The following TMEM98 variants were observed in gnomAD, a reference collection of about 807,000 sequenced individuals.
TMEM98 encodes transmembrane protein 98.
In TMEM98, 18 loss-of-function variants were observed where a neutral mutation model predicts 25.0. The ratio of observed to expected loss-of-function variants is 0.72; its 90% confidence interval spans 0.50 to 1.07. The LOEUF (loss-of-function observed/expected upper bound fraction) is 1.07. Ranked by LOEUF, TMEM98 falls within the 50% of genes least tolerant of loss-of-function variation. The probability of loss-of-function intolerance (pLI) is 0.00; values close to 1 mark genes in which losing one functional copy is unlikely to be tolerated. For missense variants in TMEM98, 241 were observed against 289.0 expected (o/e 0.83, Z 1.20); for synonymous variants, 103 against 112.4 (o/e 0.92, Z 0.53).
At chr17:32,934,202 G>A (rs758162982) in intron 4 of TMEM98, 89 bp from the exon 5 acceptor site, 203 of 1,462,252 alleles carry the variant, frequency 1.4e-4, no homozygotes, top group Non-Finnish European at 1.8e-4. Flanking sequence ...TGTGCCCACC[G>A]GTCAGGGCAA....
chr17:32,940,662 A>C, intron 7 of TMEM98, 124 bp from the exon 8 acceptor site: 1 of 922,020 alleles, frequency 1.1e-6, no homozygotes, highest in Non-Finnish European at 1.7e-6. Flanking sequence ...TTGCATACCT[A>C]CCAACATCCT....
At chr17:32,933,543 G>T (rs929009335) in intron 4 of TMEM98, among the ~76,000 whole-genome samples, 10 of 152,204 alleles carry the variant, frequency 6.6e-5, no homozygotes, top group African/African-American at 2.4e-4. Context: ...GGCAAAGGTT[G>T]TTATAAAGTC....
chr17:32,934,425 G>T lies in TMEM98; in HGVS notation c.297+101G>T, dbSNP rs549818754. Reference sequence around the variant, plus strand: ...ACCTTAGAAAGGGCACTGACCTCTCGCAAGAGGCCTTTCCTTAACTTGACA... The same window carrying T: ...ACCTTAGAAAGGGCACTGACCTCTCTCAAGAGGCCTTTCCTTAACTTGACA... On this transcript the variant is annotated intron_variant, in intron 5 of 7. Transcript: ENST00000579849. 2.5e-5 allele frequency: 33 copies of T among 1,330,686 alleles called. No homozygotes were observed. In the East Asian group the frequency reaches 7.7e-4, roughly 31 times the overall value. 82.4% of individuals were successfully genotyped at this position (1,330,686 alleles called of 1,614,324 possible).
Position 32,931,503 on chromosome 17 carries a change from G to T in TMEM98, c.-26G>T, listed in dbSNP as rs766381970. 1 of 1,601,456 alleles carries T rather than the reference G, an allele frequency of 6.2e-7. No homozygotes were observed. Among genetic ancestry groups the T allele is most frequent in the South Asian group, 1.1e-5 (1 of 88,650 alleles). On this transcript the variant is annotated 5_prime_UTR_variant, in exon 3 of 8. Transcript: ENST00000579849. Reference sequence around the variant, plus strand: ...TAGCCCATGAGGAGGATGTGACCGGGACTGAGTCAGGAGCCCTCTGGAAGC... The same window carrying T: ...TAGCCCATGAGGAGGATGTGACCGGTACTGAGTCAGGAGCCCTCTGGAAGC...
rs1444050179 is a variant in TMEM98, at chr17:32,943,604, T to G, written c.*2611T>G. On this transcript the variant is annotated 3_prime_UTR_variant, in exon 8 of 8. Coordinates refer to ENST00000579849, the MANE Select transcript of TMEM98 (RefSeq NM_015544.3). ...TTCAATGTGAAGAGAACAAGATATT[T>G]GAAGTCAGAATTAGGTTTGAATTTG... 6.6e-6 allele frequency: 1 copy of G among 152,204 alleles called. No homozygotes were observed. The highest frequency in any genetic ancestry group is 6.5e-5 in the Admixed American group (1 of 15,274). 9.4% of individuals were successfully genotyped at this position (152,204 alleles called of 1,614,324 possible).
intron 6 of TMEM98, among the ~76,000 whole-genome samples, chr17:32,936,765 A>G (rs988276668): frequency 2.0e-5 from 3 of 152,132 alleles, no homozygotes; most frequent in Non-Finnish European, 4.4e-5. Flanking sequence ...CCAGCCACAT[A>G]CCAGCTCCCC....
chr17:32,937,020 G>A (rs1002412924), intron 6 of TMEM98, among the ~76,000 whole-genome samples: 7 of 152,256 alleles, frequency 4.6e-5, no homozygotes, highest in African/African-American at 1.7e-4. Context: ...GCAGTCAACA[G>A]CTACACCCCC....
chr17:32,937,026 C>G (rs1218898560), intron 6 of TMEM98, among the ~76,000 whole-genome samples: 1 of 152,262 alleles, frequency 6.6e-6, no homozygotes, highest in African/African-American at 2.4e-5. Context: ...AACAGCTACA[C>G]CCCCTCATTT....
intron 1 of TMEM98, among the ~76,000 whole-genome samples, chr17:32,929,087 A>G (rs886452557): frequency 6.6e-6 from 1 of 151,260 alleles, no homozygotes; most frequent in African/African-American, 2.4e-5. Flanking sequence ...GAGAAACACA[A>G]TCAGCTCACA....
At position 32,933,284 on chromosome 17, in the gene TMEM98, A is replaced by T; in HGVS notation, c.242A>T (p.Glu81Val). Residue 81 changes from glutamate to valine, a missense_variant, in exon 4 of 8, where the codon GAA becomes GTA. Coordinates refer to ENST00000579849, the MANE Select transcript of TMEM98 (RefSeq NM_015544.3). ...CACATTGAGGCCATTCTGGAGAATG[A>T]AGACTGGATCGAAGATGCCTCGTAA... ...NPHIEAILEN[E>V]DWIEDASGLM... The T allele has an allele frequency of 6.2e-7, 1 of 1,614,190 alleles. No individual in the cohort carries two copies. The highest frequency in any genetic ancestry group is 8.5e-7 in the Non-Finnish European group (1 of 1,180,022).
intron 6 of TMEM98, 22 bp from the exon 7 acceptor site, chr17:32,939,455 A>G: frequency 5.6e-6 from 9 of 1,613,092 alleles, no homozygotes; most frequent in Non-Finnish European, 7.6e-6. Flanking sequence ...TGAAGTACTG[A>G]ACACCTTTTG....
At chr17:32,937,587 T>TTTTA (rs953907566) in intron 6 of TMEM98, among the ~76,000 whole-genome samples, 1 of 151,934 alleles carries the variant, frequency 6.6e-6, no homozygotes, top group Admixed American at 6.6e-5. Context: ...TTCCCCATTA[T>TTTTA]TTTATTTATT....
In TMEM98 at chr17:32,931,621, C is replaced by G; in HGVS notation, c.93C>G (p.Tyr31Ter). 1 of 1,604,532 alleles carries G rather than the reference C, an allele frequency of 6.2e-7. No individual in the cohort carries two copies. Among genetic ancestry groups the G allele is most frequent in the Middle Eastern group, 1.7e-4 (1 of 5,992 alleles). The change falls in exon 3 of 8, where the codon TAC becomes TAG. Residue 31 changes from tyrosine (Y) to a stop codon, truncating the protein, a stop_gained. Coordinates refer to ENST00000579849, the MANE Select transcript of TMEM98 (RefSeq NM_015544.3). LOFTEE classifies it high-confidence loss of function. ...AALVLVCRQR[Y>*]CRPRDLLQRY... ...TGGTGCTGGTTTGCAGGCAGCGCTACTGCCGGCCGCGAGACCTGCTGCAGC... is the reference window on the plus strand; with the variant it reads ...TGGTGCTGGTTTGCAGGCAGCGCTAGTGCCGGCCGCGAGACCTGCTGCAGC...
Position 32,940,840 on chromosome 17 carries a change from C to T in TMEM98, c.528C>T (p.Ala176=). The T allele has an allele frequency of 1.9e-6, 3 of 1,614,222 alleles. No individual in the cohort carries two copies. Among genetic ancestry groups the T allele is most frequent in the Non-Finnish European group, 2.5e-6 (3 of 1,180,032 alleles). Residue 176 remains alanine, a synonymous_variant, in exon 8 of 8, where the codon GCC becomes GCT. Transcript: ENST00000579849. ...VSHLVLVTRN[A]CHLTGGLDWI... is the part of the protein sequence containing the mutation. ...ACCTGGTGCTGGTGACAAGGAATGC[C>T]TGCCATCTGACGGGAGGCCTGGACT...
chr17:32,931,238 A>G (rs929445925), intron 1 of TMEM98, 89 bp from the exon 2 acceptor site: 1 of 290,722 alleles, frequency 3.4e-6, no homozygotes, highest in Non-Finnish European at 6.2e-6. Flanking sequence ...ACAAACAAAA[A>G]ATTTTAGTCC....
Position 32,931,375 on chromosome 17 carries a change from C to A in TMEM98, c.-82C>A. On this transcript the variant is annotated 5_prime_UTR_variant, in exon 2 of 8. Coordinates refer to ENST00000579849, the MANE Select transcript of TMEM98 (RefSeq NM_015544.3). Reference sequence around the variant, plus strand: ...GTGGAGGAACCTAGCACCTGCCATCCTCTTCCCCAATTTGCCACTTCCAGC... The same window carrying A: ...GTGGAGGAACCTAGCACCTGCCATCATCTTCCCCAATTTGCCACTTCCAGC... The A allele has an allele frequency of 9.9e-7, 1 of 1,008,832 alleles. No individual in the cohort carries two copies. Among genetic ancestry groups the A allele is most frequent in the Non-Finnish European group, 1.4e-6 (1 of 708,472 alleles). 62.5% of individuals were successfully genotyped at this position (1,008,832 alleles called of 1,614,324 possible).
At chr17:32,932,316 G>A (rs1211776746) in intron 3 of TMEM98, among the ~76,000 whole-genome samples, 1 of 151,960 alleles carries the variant, frequency 6.6e-6, no homozygotes, top group Non-Finnish European at 1.5e-5. Context: ...GGCCAGGCTG[G>A]TCTTGAACTC....
chr17:32,930,050 C>T (rs1244079927), intron 1 of TMEM98, among the ~76,000 whole-genome samples: 1 of 151,840 alleles, frequency 6.6e-6, no homozygotes, highest in Non-Finnish European at 1.5e-5. Context: ...AGCGTTTGGA[C>T]CCTCCGAGAC....
intron 5 of TMEM98, among the ~76,000 whole-genome samples, chr17:32,935,847 A>G (rs1218454373): frequency 6.6e-6 from 1 of 152,188 alleles, no homozygotes; most frequent in Non-Finnish European, 1.5e-5. Context: ...CTTGATAAAC[A>G]TGCTAATATA....
Sources: gnomAD v4.1 joint callset for allele counts (sites outside exome capture counted in the v4.1 genomes callset) on GRCh38, gnomAD v4.1.1 for gene constraint, MANE v1.5 for transcripts, NCBI Gene and HGNC (gene_info 2026-07-23, HGNC 2026-07-21) for gene names.